The following FAM98B variants were observed in gnomAD, a reference collection of about 807,000 sequenced individuals.
FAM98B encodes the protein tRNA-splicing ligase complex subunit FAM98B.
FAM98B carries 32 observed loss-of-function variants against 43.9 expected under a neutral mutation model. The observed-to-expected ratio is 0.73, with a 90% CI of 0.55 to 0.98. The LOEUF is 0.98. FAM98B is among the 50% of genes least tolerant of loss of function. The probability of loss-of-function intolerance (pLI) is 0.00; values close to 1 mark genes in which losing one functional copy is unlikely to be tolerated. For missense variants in FAM98B, 514 were observed against 522.9 expected, an observed-to-expected ratio of 0.98 and a Z score of 0.17; for synonymous variants, 190 against 174.0, an observed-to-expected ratio of 1.09 and a Z score of -0.72.
At chr15:38,465,613 A>G (rs1243010313) in intron 3 of FAM98B, among the ~76,000 whole-genome samples, 1 of 152,160 alleles carries the variant, frequency 6.6e-6, no homozygotes, top group African/African-American at 2.4e-5. Context: ...TTTGGCCAAT[A>G]TAGAATGTCC....
chr15:38,471,997 G>C (rs1171025042), intron 4 of FAM98B, among the ~76,000 whole-genome samples: 1 of 152,090 alleles, frequency 6.6e-6, no homozygotes, highest in Non-Finnish European at 1.5e-5. Flanking sequence ...GTATTACCTA[G>C]ACAACCATGT....
rs1890295975 is a variant in FAM98B, at chr15:38,482,171, T to A, written c.897+712T>A. 2 of 152,600 alleles carry A rather than the reference T, an allele frequency of 1.3e-5. 1 individual carries two copies. The highest frequency in any genetic ancestry group is 4.1e-4 in the South Asian group (2 of 4,850). The allele number at this position is 152,600 out of a possible 1,614,324, so 9.5% of individuals were successfully genotyped here. ...AGCATCGCTTCTCACTCAGTGTAAC[T>A]TGAGATAAAATACCTTTTCAGAGGG... is the stretch of plus-strand genomic sequence containing the variant. On this transcript the variant is annotated intron_variant, in intron 7 of 7. Transcript: ENST00000397609.
intron 7 of FAM98B, 54 bp downstream of exon 7, chr15:38,481,513 G>A (rs768324462): frequency 6.2e-7 from 1 of 1,613,856 alleles, no homozygotes; most frequent in African/African-American, 1.3e-5. Context: ...CTTACTTAAT[G>A]TTTTTACAGA....
intron 1 of FAM98B, among the ~76,000 whole-genome samples, chr15:38,461,215 A>C (rs1889941028): frequency 6.6e-6 from 1 of 152,208 alleles, no homozygotes; most frequent in Non-Finnish European, 1.5e-5. Context: ...AAATGAAAGC[A>C]AATAAGAGGA....
At chr15:38,455,157 A>G (rs1035471499) in intron 1 of FAM98B, among the ~76,000 whole-genome samples, 4 of 152,208 alleles carry the variant, frequency 2.6e-5, no homozygotes, top group Non-Finnish European at 5.9e-5. Context: ...TTTCCCAGCA[A>G]CACACTAGAA....
chr15:38,482,012 A>G (rs998824406), intron 7 of FAM98B: 1 of 167,722 alleles, frequency 6.0e-6, no homozygotes, highest in African/African-American at 2.4e-5. Context: ...TTACAACAGC[A>G]ATAACAATAA....
Position 38,486,922 on chromosome 15 carries a change from C to T in FAM98B, c.*2263C>T, listed in dbSNP as rs368943574. 2.6e-5 allele frequency: 4 copies of T among 152,178 alleles called. No individual in the cohort carries two copies. The East Asian group carries it at 7.7e-4, about 29-fold the overall frequency. 9.4% of individuals were successfully genotyped at this position (152,178 alleles called of 1,614,324 possible). Reference sequence around the variant, plus strand: ...ACATGGAGTATGATGAATGGCACTCCACTGCTTCCTAAAATCCAACACTTT... The same window carrying T: ...ACATGGAGTATGATGAATGGCACTCTACTGCTTCCTAAAATCCAACACTTT... On this transcript the variant is annotated 3_prime_UTR_variant, in exon 8 of 8. Transcript: ENST00000397609.
chr15:38,459,491 C>G (rs112369144), intron 1 of FAM98B: 1 of 335,238 alleles, frequency 3.0e-6, no homozygotes, highest in Non-Finnish European at 5.9e-6. Flanking sequence ...GCTTGGTGAG[C>G]ACCAGGGCAT....
intron 6 of FAM98B, among the ~76,000 whole-genome samples, chr15:38,480,982 C>CT (rs1890273553): frequency 6.6e-6 from 1 of 151,842 alleles, no homozygotes; most frequent in Non-Finnish European, 1.5e-5. Context: ...TGATGTTTCC[C>CT]TTTTAAATGT....
rs1890351278 is a variant in FAM98B, at chr15:38,485,198, G to A, written c.*539G>A. On this transcript the variant is annotated 3_prime_UTR_variant, in exon 8 of 8. Transcript: ENST00000397609. ...GAATCATTTTTTTCTCTTATAGGAG[G>A]AGATTCCTCTCTAGCCATGTTTCTG... 6.6e-6 allele frequency: 1 copy of A among 152,206 alleles called. No homozygotes were observed. The allele number at this position is 152,206 out of a possible 1,614,324, so 9.4% of individuals were successfully genotyped here. A position where few individuals can be genotyped will look rare whatever the true frequency, so the allele number is the denominator to read the frequency against.
chr15:38,457,265 C>T (rs754852480), intron 1 of FAM98B, among the ~76,000 whole-genome samples: 13 of 152,166 alleles, frequency 8.5e-5, no homozygotes, highest in Non-Finnish European at 1.8e-4. Context: ...TGATCTCCTG[C>T]CTTGGCTTCT....
intron 1 of FAM98B, among the ~76,000 whole-genome samples, chr15:38,457,202 G>A (rs1479357643): frequency 6.6e-6 from 1 of 152,094 alleles, no homozygotes; most frequent in Non-Finnish European, 1.5e-5. Context: ...AAATTTTTTA[G>A]ATACAGGGTC....
chr15:38,464,296 T>A, intron 2 of FAM98B, 119 bp downstream of exon 2: 1 of 971,782 alleles, frequency 1.0e-6, no homozygotes, highest in Non-Finnish European at 1.4e-6. Context: ...CCAAAGAATT[T>A]CAGTATGTGG....
At chr15:38,460,770 C>T (rs991651595) in intron 1 of FAM98B, among the ~76,000 whole-genome samples, 10 of 152,136 alleles carry the variant, frequency 6.6e-5, no homozygotes, top group Non-Finnish European at 1.5e-4. Flanking sequence ...AGTTCCGGGA[C>T]AGTTGTTAGC....
rs1438579247 is a variant in FAM98B, at chr15:38,486,901, G to A, written c.*2242G>A. 2.0e-5 allele frequency: 3 copies of A among 152,198 alleles called. No individual in the cohort carries two copies. In the East Asian group the frequency reaches 5.8e-4, roughly 29 times the overall value. 9.4% of individuals were successfully genotyped at this position (152,198 alleles called of 1,614,324 possible). A position where few individuals can be genotyped will look rare whatever the true frequency, so the allele number is the denominator to read the frequency against. ...TTATAAATTGAGTGCAATACGACATGGAGTATGATGAATGGCACTCCACTG... is the reference window on the plus strand; with the variant it reads ...TTATAAATTGAGTGCAATACGACATAGAGTATGATGAATGGCACTCCACTG... On this transcript the variant is annotated 3_prime_UTR_variant, in exon 8 of 8. Coordinates refer to ENST00000397609, the MANE Select transcript of FAM98B (RefSeq NM_173611.4).
rs994162673 is a variant in FAM98B, at chr15:38,484,972, T to C, written c.*313T>C. On this transcript the variant is annotated 3_prime_UTR_variant, in exon 8 of 8. Coordinates refer to ENST00000397609, the MANE Select transcript of FAM98B (RefSeq NM_173611.4). Reference sequence around the variant, plus strand: ...ACCATCAGACTTGGAAAATGGAAAGTATTTTATTGTCATGATTGAATTTAG... The same window carrying C: ...ACCATCAGACTTGGAAAATGGAAAGCATTTTATTGTCATGATTGAATTTAG... 4.1e-6 allele frequency: 1 copy of C among 246,562 alleles called. No individual in the cohort carries two copies. The highest frequency in any genetic ancestry group is 5.9e-5 in the Admixed American group (1 of 17,004). The allele number at this position is 246,562 out of a possible 1,614,324, so 15.3% of individuals were successfully genotyped here. A position where few individuals can be genotyped will look rare whatever the true frequency, so the allele number is the denominator to read the frequency against.
At chr15:38,474,416 C>G in intron 6 of FAM98B, 118 bp downstream of exon 6, 1 of 604,222 alleles carries the variant, frequency 1.7e-6, no homozygotes. Context: ...CAACTACATG[C>G]CCAGGCCAAC....
At chr15:38,469,027 T>C (rs62002932) in intron 3 of FAM98B, among the ~76,000 whole-genome samples, 1,738 of 152,262 alleles carry the variant, frequency 0.011, 20 homozygotes, top group Non-Finnish European at 0.019. Context: ...TGCCTCAGCC[T>C]CCCTAGTAGC....
rs572117934 is a variant in FAM98B, at chr15:38,457,612, A to G, written c.71+3380A>G. ...GCAAGGGTGCAAGGGGGGCTGAGTG[A>G]CATGTGCAGGTTGGAATTGAGAGCT... On this transcript the variant is annotated intron_variant, in intron 1 of 7. Coordinates refer to ENST00000397609, the MANE Select transcript of FAM98B (RefSeq NM_173611.4). Among the ~76,000 whole-genome samples the G allele has an allele frequency of 2.6e-5, 4 of 152,282 alleles. No homozygotes were observed. The South Asian group carries it at 8.3e-4, about 32-fold the overall frequency.
Sources: gnomAD v4.1 joint callset for allele counts (sites outside exome capture counted in the v4.1 genomes callset) on GRCh38, gnomAD v4.1.1 for gene constraint, MANE v1.5 for transcripts, NCBI Gene and HGNC (gene_info 2026-07-23, HGNC 2026-07-21) for gene names.